The following ANKRD30B variants were observed in gnomAD, a reference collection of about 807,000 sequenced individuals.
ANKRD30B encodes ankyrin repeat domain-containing protein 30B.
In ANKRD30B, 144 loss-of-function variants were observed where a neutral mutation model predicts 202.2. The observed-to-expected ratio is 0.71, with a 90% CI of 0.62 to 0.82. ANKRD30B has a LOEUF of 0.82. Ranked by LOEUF, ANKRD30B falls within the 40% of genes least tolerant of loss-of-function variation. The probability of loss-of-function intolerance (pLI) is 0.00; values close to 1 mark genes in which losing one functional copy is unlikely to be tolerated. For missense variants in ANKRD30B, 1,487 were observed against 1,669.1 expected, an observed-to-expected ratio of 0.89 and a Z score of 1.90; for synonymous variants, 508 against 561.3, an observed-to-expected ratio of 0.91 and a Z score of 1.34.
At chr18:14,750,334 A>G (rs1447842625) in intron 1 of ANKRD30B, among the ~76,000 whole-genome samples, 1 of 152,162 alleles carries the variant, frequency 6.6e-6, no homozygotes, top group Non-Finnish European at 1.5e-5. Flanking sequence ...AAACTGGGCA[A>G]AGTCCTTTTT....
the ANKRD30B span, among the ~76,000 whole-genome samples, chr18:14,868,228 C>T: frequency 2.0e-5 from 3 of 152,274 alleles, no homozygotes; most frequent in South Asian, 2.1e-4. Context: ...GGGGCCTGGC[C>T]CAGCCTGGGA....
chr18:14,797,728 A>G (rs561592218), intron 19 of ANKRD30B, 39 bp downstream of exon 19: 21 of 1,606,858 alleles, frequency 1.3e-5, no homozygotes, highest in South Asian at 7.7e-5. Flanking sequence ...TATTAACTAC[A>G]TATTTTTGAA....
the ANKRD30B span, among the ~76,000 whole-genome samples, chr18:14,876,561 A>T: frequency 0.42 from 63,231 of 152,014 alleles, 14,042 homozygotes; most frequent in East Asian, 0.59. Context: ...TATTAGAAAG[A>T]TTACTGAGGT....
At chr18:14,790,624 C>T (rs1243167026) in intron 15 of ANKRD30B, among the ~76,000 whole-genome samples, 2 of 152,010 alleles carry the variant, frequency 1.3e-5, no homozygotes, top group African/African-American at 4.8e-5. Context: ...TGTCAAAGGC[C>T]TTTTCTGCAA....
intron 16 of ANKRD30B, among the ~76,000 whole-genome samples, chr18:14,794,926 G>T (rs1375490039): frequency 6.6e-6 from 1 of 152,140 alleles, no homozygotes; most frequent in Admixed American, 6.5e-5. Context: ...CATATTATTT[G>T]ATGAAAGGAG....
At chr18:14,901,641 T>C in the ANKRD30B span, among the ~76,000 whole-genome samples, 1 of 152,222 alleles carries the variant, frequency 6.6e-6, no homozygotes, top group South Asian at 2.1e-4. Context: ...AATGGGAACA[T>C]TTACCTTTCT....
At chr18:14,860,444 C>T in the ANKRD30B span, among the ~76,000 whole-genome samples, 155 of 123,364 alleles carry the variant, frequency 1.3e-3, no homozygotes, top group South Asian at 6.3e-3. Flanking sequence ...AGAGGCACTC[C>T]TCACCTCCCA....
At chr18:14,792,515 G>T (rs1968591723) in intron 16 of ANKRD30B, among the ~76,000 whole-genome samples, 2 of 151,986 alleles carry the variant, frequency 1.3e-5, no homozygotes, top group Admixed American at 6.6e-5. Context: ...GAGATTATGA[G>T]GCAGGAAGCA....
rs1302930307 is a variant in ANKRD30B at position 14,822,500 on chromosome 18, G to A, written c.2659G>A (p.Gly887Ser). ...TCTTTTAGAGTCTCCTGATAAAGATGGTCTTCTGAAGGTAATAACTTTTAT... is the reference window on the plus strand; with the variant it reads ...TCTTTTAGAGTCTCCTGATAAAGATAGTCTTCTGAAGGTAATAACTTTTAT... ...GKLEESPDKD[G>S]LLKPTCGMKI... Residue 887 changes from glycine to serine, a missense_variant, in exon 31 of 44, where the codon GGT (glycine) becomes AGT (serine). This residue lies in a region of ANKRD30B where 218 missense variants were observed against 320.1 expected (regional missense o/e 0.68). Coordinates refer to ENST00000690538, the MANE Select transcript of ANKRD30B (RefSeq NM_001367607.2). 1 of 1,378,036 alleles carries A rather than the reference G, an allele frequency of 7.3e-7. No homozygotes were observed. The highest frequency in any genetic ancestry group is 1.4e-5 in the African/African-American group (1 of 70,902). The allele number at this position is 1,378,036 out of a possible 1,614,324, so 85.4% of individuals were successfully genotyped here.
intron 30 of ANKRD30B, among the ~76,000 whole-genome samples, chr18:14,819,069 T>A (rs1970270899): frequency 6.6e-6 from 1 of 152,140 alleles, no homozygotes; most frequent in Non-Finnish European, 1.5e-5. Context: ...TGGTGTGAGA[T>A]GGTATCTCAT....
intron 8 of ANKRD30B, among the ~76,000 whole-genome samples, chr18:14,770,867 T>C (rs138915156): frequency 2.3e-4 from 35 of 151,788 alleles, no homozygotes; most frequent in South Asian, 4.2e-4. Context: ...GATAGAAATG[T>C]CCTATTCTGT....
At chr18:14,843,420 T>G (rs148244042) in intron 39 of ANKRD30B, among the ~76,000 whole-genome samples, 11 of 152,314 alleles carry the variant, frequency 7.2e-5, no homozygotes, top group African/African-American at 2.4e-4. Flanking sequence ...AAAAATTGAT[T>G]CAAATTCTAC....
At chr18:14,822,700 T>C in intron 32 of ANKRD30B, 23 bp downstream of exon 32, 1 of 1,133,586 alleles carries the variant, frequency 8.8e-7, no homozygotes, top group Non-Finnish European at 1.2e-6. Context: ...ATTTTAATTT[T>C]ACTGTGGAAT....
chr18:14,909,375 G>A, the ANKRD30B span, among the ~76,000 whole-genome samples: 79,999 of 151,934 alleles, frequency 0.53, 21,383 homozygotes, highest in African/African-American at 0.6. Context: ...AGTCAATATT[G>A]TTTAATCCTC....
the ANKRD30B span, among the ~76,000 whole-genome samples, chr18:14,933,283 C>G: frequency 6.6e-6 from 1 of 152,330 alleles, no homozygotes; most frequent in East Asian, 1.9e-4. Flanking sequence ...GTGTCCCACC[C>G]TCCTTCCCCA....
chr18:14,871,737 A>T, the ANKRD30B span, among the ~76,000 whole-genome samples: 1 of 152,134 alleles, frequency 6.6e-6, no homozygotes, highest in Non-Finnish European at 1.5e-5. Context: ...TACAAAAAAA[A>T]ATATTAAAAA....
At chr18:14,828,112 C>A (rs142943591) in intron 32 of ANKRD30B, among the ~76,000 whole-genome samples, 166 bp from the exon 33 acceptor site, 2 of 152,260 alleles carry the variant, frequency 1.3e-5, no homozygotes, top group East Asian at 3.9e-4. Flanking sequence ...GCAATGTCTC[C>A]CAGGCTGCTT....
At chr18:14,764,322 C>T (rs1302636749) in intron 7 of ANKRD30B, among the ~76,000 whole-genome samples, 1 of 152,132 alleles carries the variant, frequency 6.6e-6, no homozygotes, top group Non-Finnish European at 1.5e-5. Flanking sequence ...TGGCTAAAAT[C>T]ATAGGAACCA....
chr18:14,854,126 C>T (rs1289932831), intron 43 of ANKRD30B, among the ~76,000 whole-genome samples, 66 bp from the exon 44 acceptor site: 1 of 151,568 alleles, frequency 6.6e-6, no homozygotes, highest in African/African-American at 2.4e-5. Context: ...ATTTTATTAT[C>T]TTTATAATGT....
Sources: allele counts gnomAD v4.1 joint callset (sites outside exome capture counted in the v4.1 genomes callset), GRCh38; gene constraint gnomAD v4.1.1; regional missense constraint gnomAD v4.1.1; transcripts MANE v1.5; gene names NCBI Gene and HGNC (gene_info 2026-07-23, HGNC 2026-07-21).